Variants in JAK2 observed in about 807,000 individuals in gnomAD.
The protein encoded by JAK2 is Janus kinase 2.
In JAK2, 86 loss-of-function variants were observed where a neutral mutation model predicts 139.3. That is an observed-to-expected ratio of 0.62 (90% CI 0.52 to 0.74). The LOEUF (loss-of-function observed/expected upper bound fraction) is 0.74. Among genes scored for constraint, JAK2 ranks in the 30% least tolerant of loss-of-function variants. The pLI is 0.00. For synonymous variants in JAK2, 490 were observed against 437.7 expected (o/e 1.12, Z -1.49); for missense variants, 1,421 against 1,360.3 (o/e 1.04, Z -0.70).
At chr9:4,993,372 G>GT (rs1284790237) in intron 2 of JAK2, among the ~76,000 whole-genome samples, 1 of 152,162 alleles carries the variant, frequency 6.6e-6, no homozygotes, top group African/African-American at 2.4e-5. Context: ...TGAAAAGATT[G>GT]TTCTGAGTCC....
chr9:5,025,791 C>G (rs1471767285), intron 3 of JAK2, among the ~76,000 whole-genome samples: 3 of 152,152 alleles, frequency 2.0e-5, no homozygotes, highest in South Asian at 2.1e-4. Flanking sequence ...CTCGGCCTCT[C>G]AAAGTGTGTG....
intron 4 of JAK2, among the ~76,000 whole-genome samples, chr9:5,031,397 A>G (rs932397072): frequency 1.2e-4 from 18 of 152,206 alleles, no homozygotes; most frequent in Admixed American, 8.5e-4. Flanking sequence ...TGGGGCCAGT[A>G]TATCTTGAAA....
intron 22 of JAK2, chr9:5,112,098 G>T: frequency 2.8e-6 from 1 of 353,756 alleles, no homozygotes; most frequent in Non-Finnish European, 5.6e-6. Flanking sequence ...CCACCTACCT[G>T]AACGAGGGCA....
intron 20 of JAK2, 92 bp from the exon 21 acceptor site, chr9:5,090,354 T>C: frequency 1.1e-6 from 1 of 914,674 alleles, no homozygotes; most frequent in South Asian, 3.8e-5. Flanking sequence ...AGATTTCATA[T>C]ATGTTTAAGT....
chr9:5,050,903 T>C, intron 6 of JAK2, 72 bp downstream of exon 6: 1 of 1,300,376 alleles, frequency 7.7e-7, no homozygotes, highest in Non-Finnish European at 1.1e-6. Flanking sequence ...ATATTTTCTG[T>C]GTTTACCCAT....
At chr9:5,032,444 C>T (rs1445456262) in intron 4 of JAK2, among the ~76,000 whole-genome samples, 1 of 152,220 alleles carries the variant, frequency 6.6e-6, no homozygotes, top group Non-Finnish European at 1.5e-5. Context: ...GGACAGACTG[C>T]CTCATCAAGT....
intron 2 of JAK2, among the ~76,000 whole-genome samples, chr9:5,000,542 T>C (rs1820868001): frequency 6.6e-6 from 1 of 152,166 alleles, no homozygotes; most frequent in African/African-American, 2.4e-5. Context: ...CTAGTAACAG[T>C]TATACCAAGT....
At chr9:5,023,252 G>T (rs1186845819) in intron 3 of JAK2, among the ~76,000 whole-genome samples, 1 of 152,128 alleles carries the variant, frequency 6.6e-6, no homozygotes, top group South Asian at 2.1e-4. Flanking sequence ...ATGAGAACTT[G>T]TTATATTTGT....
At chr9:5,009,740 T>G (rs546479336) in intron 2 of JAK2, among the ~76,000 whole-genome samples, 2 of 152,228 alleles carry the variant, frequency 1.3e-5, no homozygotes, top group Admixed American at 1.3e-4. Flanking sequence ...TGCTTATAGA[T>G]GCCTTCCTCT....
intron 22 of JAK2, among the ~76,000 whole-genome samples, chr9:5,092,413 G>T (rs188482033): frequency 1.0e-3 from 155 of 152,180 alleles, no homozygotes; most frequent in Admixed American, 1.8e-3. Flanking sequence ...CAAACAAAGT[G>T]TCGCTTAACC....
At chr9:5,085,913 C>T in intron 19 of JAK2, 1 of 1,018,658 alleles carries the variant, frequency 9.8e-7, no homozygotes, top group East Asian at 2.4e-5. Flanking sequence ...TACCCTCATA[C>T]AGACCTTTCA....
At chr9:5,046,290 T>G (rs1586697990) in intron 5 of JAK2, among the ~76,000 whole-genome samples, 3 of 152,196 alleles carry the variant, frequency 2.0e-5, no homozygotes, top group African/African-American at 7.2e-5. Context: ...ATTATAGAAA[T>G]TATTATTCTG....
intron 22 of JAK2, among the ~76,000 whole-genome samples, chr9:5,107,237 T>C (rs929130446): frequency 6.6e-6 from 1 of 152,134 alleles, no homozygotes; most frequent in South Asian, 2.1e-4. Flanking sequence ...AACCTGACAC[T>C]AGCCTTAGTA....
chr9:5,109,631 C>T (rs983963817), intron 22 of JAK2: 24 of 152,266 alleles, frequency 1.6e-4, no homozygotes, highest in African/African-American at 5.3e-4. Flanking sequence ...TCACCATTAG[C>T]CTCATCCCAA....
chr9:5,041,103 C>G, intron 4 of JAK2: 1 of 761,966 alleles, frequency 1.3e-6, no homozygotes, highest in South Asian at 1.5e-5. Context: ...AGGACCTGTT[C>G]GACCTTCACG....
At chr9:4,996,683 AT>A (rs1411255261) in intron 2 of JAK2, among the ~76,000 whole-genome samples, 2 of 150,992 alleles carry the variant, frequency 1.3e-5, no homozygotes, top group Non-Finnish European at 3.0e-5. Flanking sequence ...TTAAAAAAAA[AT>A]TATCCTTGCC....
chr9:5,027,604 G>A (rs1197491444), intron 3 of JAK2, among the ~76,000 whole-genome samples: 2 of 152,126 alleles, frequency 1.3e-5, no homozygotes, highest in Non-Finnish European at 2.9e-5. Flanking sequence ...TCTGTAGTAT[G>A]CAATGCTATT....
At chr9:5,101,272 C>G (rs1821460774) in intron 22 of JAK2, among the ~76,000 whole-genome samples, 1 of 152,262 alleles carries the variant, frequency 6.6e-6, no homozygotes. Context: ...CGGAGCCCTG[C>G]TCACTGCTAG....
chr9:5,116,732 TA>T (rs1823213362), intron 22 of JAK2, among the ~76,000 whole-genome samples: 6 of 152,178 alleles, frequency 3.9e-5, no homozygotes, highest in Admixed American at 2.6e-4. Flanking sequence ...GACTGTCCCT[TA>T]GTAGAAAGGC....
Sources: allele counts gnomAD v4.1 joint callset (sites outside exome capture counted in the v4.1 genomes callset), GRCh38; gene constraint gnomAD v4.1.1; transcripts MANE v1.5; gene names NCBI Gene and HGNC (gene_info 2026-07-23, HGNC 2026-07-21).